The following KCNMB3 variants were observed in gnomAD, a reference collection of about 807,000 sequenced individuals.
KCNMB3 encodes the protein calcium-activated potassium channel subunit beta-3.
Under a neutral mutation model 11.9 loss-of-function variants are expected in KCNMB3, and 18 were observed. The ratio of observed to expected loss-of-function variants is 1.51; its 90% CI spans 1.04 to 2.23. The LOEUF (loss-of-function observed/expected upper bound fraction) is 2.23. Among genes scored for constraint, KCNMB3 ranks in the 30% most tolerant of loss-of-function variants. The pLI is 0.00. For missense variants in KCNMB3, 247 were observed against 329.4 expected, an observed-to-expected ratio of 0.75 and a Z score of 1.94; for synonymous variants, 78 against 119.2, an observed-to-expected ratio of 0.65 and a Z score of 2.25.
intron 1 of KCNMB3, chr3:179,260,286 G>T: frequency 6.2e-7 from 1 of 1,613,990 alleles, no homozygotes; most frequent in Non-Finnish European, 8.5e-7. Context: ...CTCAACCTGT[G>T]CTGTGTTTTC....
At chr3:179,264,044 G>A (rs181958164) in intron 1 of KCNMB3, among the ~76,000 whole-genome samples, 14 of 152,062 alleles carry the variant, frequency 9.2e-5, no homozygotes, top group Admixed American at 2.6e-4. Context: ...GACCTCAGGT[G>A]ATCCACCTGC....
Position 179,249,007 on chromosome 3 carries a change from C to G in KCNMB3, c.248+1736G>C, listed in dbSNP as rs1329511746. On this transcript the variant is annotated intron_variant, in intron 1 of 2. Coordinates refer to ENST00000392685, the MANE Select transcript of KCNMB3 (RefSeq NM_171830.2). ...AGTGTCACAGAGCAAGACCCCGTCT[C>G]TTTTTTTTTTTTTTTTTTTTTTTGA... Among the ~76,000 whole-genome samples the G allele has an allele frequency of 3.3e-5, 3 of 89,878 alleles. No homozygotes were observed. The East Asian group carries it at 8.8e-4, about 26-fold the overall frequency. The allele number at this position is 89,878 out of a possible 152,430, so 59.0% of individuals were successfully genotyped here.
At chr3:179,251,535 G>A (rs1725843555), upstream of KCNMB3, 1 of 1,345,548 alleles carries the variant, frequency 7.4e-7, no homozygotes, top group Non-Finnish European at 9.5e-7. Context: ...CTGCATAAGT[G>A]TCCCTTCATT....
intron 1 of KCNMB3, among the ~76,000 whole-genome samples, chr3:179,257,766 A>AG (rs1726060734): frequency 6.6e-6 from 1 of 152,190 alleles, no homozygotes; most frequent in Non-Finnish European, 1.5e-5. Context: ...AGGCTAGAGT[A>AG]TAGTGGTGCA....
rs867487388 is a variant in KCNMB3 at position 179,249,162 on chromosome 3, G to A, written c.248+1581C>T. Among the ~76,000 whole-genome samples the A allele has an allele frequency of 6.0e-5, 9 of 150,944 alleles. No homozygotes were observed. The South Asian group carries it at 8.4e-4, about 14-fold the overall frequency. ...TGAGTAGCTGGGACTACAGGTGCCC[G>A]CCACCGTGCCCAGCTAATTTTTTTG... On this transcript the variant is annotated intron_variant, in intron 1 of 2. Coordinates refer to ENST00000392685, the MANE Select transcript of KCNMB3 (RefSeq NM_171830.2).
chr3:179,261,370 C>T (rs545933512), intron 1 of KCNMB3: 2 of 1,129,998 alleles, frequency 1.8e-6, no homozygotes, highest in East Asian at 4.6e-5. Context: ...GCGCTCTGTC[C>T]GCGGAGACGG....
intron 1 of KCNMB3, among the ~76,000 whole-genome samples, chr3:179,265,576 C>A (rs144029275): frequency 0.012 from 1,787 of 152,286 alleles, 43 homozygotes; most frequent in African/African-American, 0.041. Flanking sequence ...CCAGCCTCAG[C>A]CTCCTGAGTA....
At chr3:179,266,103 T>G (rs1055287650) in intron 1 of KCNMB3, among the ~76,000 whole-genome samples, 6 of 152,202 alleles carry the variant, frequency 3.9e-5, no homozygotes, top group Non-Finnish European at 5.9e-5. Context: ...TATCTGCATT[T>G]CACAGATAAG....
upstream of KCNMB3, among the ~76,000 whole-genome samples, chr3:179,254,786 G>A (rs1262533759): frequency 6.6e-6 from 1 of 152,000 alleles, no homozygotes; most frequent in Non-Finnish European, 1.5e-5. Flanking sequence ...TAGCGACAGA[G>A]CAAGACTCGT....
At chr3:179,247,645 C>A (rs1272410266) in intron 1 of KCNMB3, among the ~76,000 whole-genome samples, 1 of 152,148 alleles carries the variant, frequency 6.6e-6, no homozygotes, top group Non-Finnish European at 1.5e-5. Context: ...ATACAAGACT[C>A]CTGGCGTCCA....
chr3:179,261,343 G>C (rs1726203768), intron 1 of KCNMB3: 2 of 1,173,738 alleles, frequency 1.7e-6, no homozygotes, highest in South Asian at 7.7e-5. Flanking sequence ...CCCCCCGCGG[G>C]CCGGGCCAGG....
chr3:179,241,118 C>T (rs1725444378), downstream of KCNMB3: 1 of 152,038 alleles, frequency 6.6e-6, no homozygotes, highest in South Asian at 2.1e-4. Flanking sequence ...AGTACCAAGG[C>T]TCACTGAATG....
chr3:179,258,201 A>G (rs775012258), intron 1 of KCNMB3, among the ~76,000 whole-genome samples: 1 of 152,334 alleles, frequency 6.6e-6, no homozygotes, highest in African/African-American at 2.4e-5. Context: ...CATTTAAAAA[A>G]TGACTGTCCC....
intron 1 of KCNMB3, chr3:179,259,849 C>T (rs1052597726): frequency 1.1e-5 from 17 of 1,611,734 alleles, no homozygotes; most frequent in African/African-American, 1.3e-5. Context: ...GGACCTGTCG[C>T]CTCCTGACCC....
At position 179,259,638 on chromosome 3, in the gene KCNMB3, C is replaced by A. The variant is rs112025995; in HGVS notation, c.62+7011G>T. Reference sequence around the variant, plus strand: ...TACCTGCTCTTCTTCCTTAATTTCACTTAAATCTGTGTTCTGATAAGTTAA... The same window carrying A: ...TACCTGCTCTTCTTCCTTAATTTCAATTAAATCTGTGTTCTGATAAGTTAA... On this transcript the variant is annotated intron_variant, in intron 1 of 3. Coordinates refer to the KCNMB3 transcript ENST00000349697. The A allele has an allele frequency of 9.0e-3, 14,521 of 1,609,078 alleles. 136 individuals are homozygous for A. The highest frequency in any genetic ancestry group is 0.052 in the East Asian group (2,317 of 44,526).
chr3:179,261,791 T>TA (rs149899890), intron 1 of KCNMB3, among the ~76,000 whole-genome samples: 7,469 of 152,284 alleles, frequency 0.049, 200 homozygotes, highest in Non-Finnish European at 0.057. Context: ...GTTTTCAACT[T>TA]ACAGTATTTT....
chr3:179,258,861 A>G (rs917041330), intron 1 of KCNMB3: 1 of 1,548,396 alleles, frequency 6.5e-7, no homozygotes, highest in African/African-American at 1.4e-5. Context: ...ATGGAAATCT[A>G]CAAGTAACAG....
chr3:179,259,029 G>C, intron 1 of KCNMB3: 1 of 1,613,760 alleles, frequency 6.2e-7, no homozygotes, highest in Non-Finnish European at 8.5e-7. Flanking sequence ...TTAGGACATG[G>C]TACGGTCTTC....
At chr3:179,246,555 A>T (rs1725650092) in intron 1 of KCNMB3, among the ~76,000 whole-genome samples, 1 of 152,238 alleles carries the variant, frequency 6.6e-6, no homozygotes, top group South Asian at 2.1e-4. Context: ...ACATGGCCTC[A>T]AGGTCTGGGG....
Sources: allele counts gnomAD v4.1 joint callset (sites outside exome capture counted in the v4.1 genomes callset), GRCh38; gene constraint gnomAD v4.1.1; transcripts MANE v1.5; gene names NCBI Gene and HGNC (gene_info 2026-07-23, HGNC 2026-07-21).